SGSM1: variants seen among roughly 807,000 people sequenced by gnomAD.
SGSM1 encodes small G protein signaling modulator 1, also known as RUN and TBC1 domain containing 2.
A neutral mutation model predicts 133.8 loss-of-function variants in SGSM1; 73 were observed. The ratio of observed to expected loss-of-function variants is 0.55; its 90% CI spans 0.45 to 0.66. The LOEUF (loss-of-function observed/expected upper bound fraction) is 0.66, where lower values mean the gene tolerates loss of function less well. SGSM1 is among the 30% of genes least tolerant of loss of function. The pLI, the probability that SGSM1 is intolerant of heterozygous loss-of-function variation, is 0.00. For synonymous variants in SGSM1, 563 were observed against 573.0 expected (o/e 0.98, Z 0.25); for missense variants, 1,213 against 1,448.1 (o/e 0.84, Z 2.64).
intron 2 of SGSM1, among the ~76,000 whole-genome samples, chr22:24,836,349 G>A (rs990384041): frequency 2.0e-5 from 3 of 152,144 alleles, no homozygotes; most frequent in African/African-American, 4.8e-5. Context: ...TATCCATTCA[G>A]CCATCGAAGG....
At chr22:24,900,641 C>T (rs985205012) in intron 19 of SGSM1, among the ~76,000 whole-genome samples, 4 of 152,170 alleles carry the variant, frequency 2.6e-5, no homozygotes, top group Non-Finnish European at 4.4e-5. Flanking sequence ...AAGTGATCCG[C>T]CCGCCTCGGC....
chr22:24,844,025 A>G (rs1929949337), intron 2 of SGSM1: 1 of 152,164 alleles, frequency 6.6e-6, no homozygotes, highest in Non-Finnish European at 1.5e-5. Context: ...TTTACCCTGC[A>G]CTTTCTTGAT....
At chr22:24,884,240 G>T (rs1039600687) in intron 15 of SGSM1, 42 bp downstream of exon 15, 1 of 1,575,254 alleles carries the variant, frequency 6.3e-7, no homozygotes, top group Non-Finnish European at 8.7e-7. Flanking sequence ...TGCAGAGGCT[G>T]CAGGGGGGTC....
chr22:24,917,705 T>C lies in SGSM1; in HGVS notation c.2976T>C (p.Tyr992=). Residue 992 remains tyrosine, a synonymous_variant, in exon 23 of 25, where the codon TAT becomes TAC. Coordinates refer to ENST00000400358, the MANE Select transcript of SGSM1 (RefSeq NM_001098497.3). ...AGCTGATGCATCAGAACGGGGACTA[T>C]ACTCACTTCTACTTCTGCTACCGCT... ...LFELMHQNGD[Y]THFYFCYRWF... 2.5e-6 allele frequency: 4 copies of C among 1,614,050 alleles called. No homozygotes were observed. Among genetic ancestry groups the C allele is most frequent in the Non-Finnish European group, 3.4e-6 (4 of 1,179,964 alleles).
At chr22:24,883,246 G>A (rs1033714275) in intron 14 of SGSM1, among the ~76,000 whole-genome samples, 9 of 152,112 alleles carry the variant, frequency 5.9e-5, no homozygotes, top group Non-Finnish European at 1.2e-4. Context: ...GGACATTTAG[G>A]TTGATTTTGT....
At chr22:24,895,744 C>T (rs895402850) in intron 18 of SGSM1, among the ~76,000 whole-genome samples, 2 of 152,108 alleles carry the variant, frequency 1.3e-5, no homozygotes, top group African/African-American at 2.4e-5. Context: ...AATCTCACTC[C>T]GTTTTTAAAG....
intron 2 of SGSM1, among the ~76,000 whole-genome samples, chr22:24,820,756 G>A (rs182574066): frequency 2.0e-5 from 3 of 152,194 alleles, no homozygotes; most frequent in Admixed American, 1.3e-4. Flanking sequence ...TTTGCTGAGC[G>A]CCTACTGTGT....
rs771938357 is a variant in SGSM1, at chr22:24,917,696, C to T, written c.2967C>T (p.Asn989=). ...DSELFELMHQ[N]GDYTHFYFCY... Reference sequence around the variant, plus strand: ...AGCTGTTTGAGCTGATGCATCAGAACGGGGACTATACTCACTTCTACTTCT... The same window carrying T: ...AGCTGTTTGAGCTGATGCATCAGAATGGGGACTATACTCACTTCTACTTCT... Residue 989 remains asparagine (N), a synonymous_variant, in exon 23 of 25, where the codon AAC becomes AAT. Coordinates refer to ENST00000400358, the MANE Select transcript of SGSM1 (RefSeq NM_001098497.3). The T allele has an allele frequency of 1.1e-5, 17 of 1,613,870 alleles. No individual in the cohort carries two copies. The highest frequency in any genetic ancestry group is 1.6e-4 in the Middle Eastern group (1 of 6,082).
At position 24,893,496 on chromosome 22, in the gene SGSM1, C is replaced by G; in HGVS notation, c.1836C>G (p.Ile612Met). ...TMAEWLGCEA[I>M]VRQRERESHA... is the part of the protein sequence containing the mutation. ...CTGAGTGGCTGGGCTGCGAGGCGAT[C>G]GTGCGGCAGAGGGAGCGGGAGTCCC... Residue 612 changes from isoleucine to methionine, a missense_variant, in exon 17 of 25, where the codon ATC (isoleucine) becomes ATG (methionine). By Grantham distance (10) the Ile-to-Met change is conservative (BLOSUM62 1). Transcript: ENST00000400358. 1.9e-6 allele frequency: 3 copies of G among 1,613,684 alleles called. No homozygotes were observed. Among genetic ancestry groups the G allele is most frequent in the Non-Finnish European group, 2.5e-6 (3 of 1,179,762 alleles).
chr22:24,912,977 A>G (rs1933688366), intron 22 of SGSM1, among the ~76,000 whole-genome samples: 1 of 152,144 alleles, frequency 6.6e-6, no homozygotes, highest in African/African-American at 2.4e-5. Context: ...TAGAATTATC[A>G]TGGAAATGAA....
intron 21 of SGSM1, among the ~76,000 whole-genome samples, chr22:24,906,320 T>C (rs1173074924): frequency 6.6e-6 from 1 of 152,198 alleles, no homozygotes; most frequent in African/African-American, 2.4e-5. Context: ...GGTGAAAAAC[T>C]GAACACTTCC....
At chr22:24,889,558 C>T (rs764075200) in intron 16 of SGSM1, among the ~76,000 whole-genome samples, 18 of 151,432 alleles carry the variant, frequency 1.2e-4, no homozygotes, top group Admixed American at 3.9e-4. Flanking sequence ...TATAGGCATG[C>T]GCCACCACAC....
intron 20 of SGSM1, 26 bp from the exon 21 acceptor site, chr22:24,905,079 T>G: frequency 6.2e-7 from 1 of 1,609,740 alleles, no homozygotes; most frequent in Non-Finnish European, 8.5e-7. Flanking sequence ...ACGGCTGCCA[T>G]CATTGGCCCC....
intron 23 of SGSM1, 97 bp downstream of exon 23, chr22:24,917,851 A>G: frequency 1.1e-6 from 1 of 883,234 alleles, no homozygotes; most frequent in East Asian, 2.6e-5. Context: ...GGTTGGCAAC[A>G]GAGGCAGCAG....
chr22:24,898,001 G>T lies in SGSM1; in HGVS notation c.2052G>T (p.Gln684His). ...QVFESVDEVE[Q>H]VEAEGRLEEK... The stretch of plus-strand genomic sequence containing the variant: ...TTGAGTCTGTGGATGAGGTGGAGCA[G>T]GTGGAGGCTGAAGGCAGATTGGAGG... The change falls in exon 19 of 25, where the codon CAG becomes CAT. Residue 684 changes from glutamine (Q) to histidine (H), a missense_variant. Transcript: ENST00000400358. 1 of 1,608,368 alleles carries T rather than the reference G, an allele frequency of 6.2e-7. No individual in the cohort carries two copies. Among genetic ancestry groups the T allele is most frequent in the South Asian group, 1.1e-5 (1 of 89,962 alleles).
chr22:24,912,694 A>G lies in SGSM1; in HGVS notation c.2870A>G (p.Asn957Ser), dbSNP rs545255105. The G allele has an allele frequency of 6.2e-7, 1 of 1,613,774 alleles. No homozygotes were observed. Among genetic ancestry groups the G allele is most frequent in the South Asian group, 1.1e-5 (1 of 90,950 alleles). Reference protein sequence around the residue: ...FTELMKRMNQNFPHGGAMDTH... With the variant: ...FTELMKRMNQSFPHGGAMDTH... ...GAGCTCATGAAGAGGATGAACCAGA[A>G]CTTCCCCCACGGAGGCGCCATGGAC... Residue 957 changes from asparagine to serine, a missense_variant, in exon 22 of 25, where the codon AAC (asparagine) becomes AGC (serine). Asn to Ser is a conservative substitution (Grantham distance 46, BLOSUM62 1). Coordinates refer to ENST00000400358, the MANE Select transcript of SGSM1 (RefSeq NM_001098497.3).
At chr22:24,840,453 C>T (rs1191996882) in intron 2 of SGSM1, among the ~76,000 whole-genome samples, 3 of 152,200 alleles carry the variant, frequency 2.0e-5, no homozygotes, top group African/African-American at 4.8e-5. Flanking sequence ...AAGCAATTCT[C>T]CCACCTCAGT....
At chr22:24,827,564 A>G (rs961816303) in intron 2 of SGSM1, among the ~76,000 whole-genome samples, 1 of 152,022 alleles carries the variant, frequency 6.6e-6, no homozygotes, top group African/African-American at 2.4e-5. Flanking sequence ...ACTGAGCTGA[A>G]GGACGCCTCA....
At chr22:24,864,073 C>G (rs1331874101) in intron 9 of SGSM1, among the ~76,000 whole-genome samples, 8 of 152,138 alleles carry the variant, frequency 5.3e-5, no homozygotes, top group Non-Finnish European at 1.0e-4. Flanking sequence ...GCCAGCCTCA[C>G]TCTTGCACAG....
Sources: gnomAD v4.1 joint callset for allele counts (sites outside exome capture counted in the v4.1 genomes callset) on GRCh38, gnomAD v4.1.1 for gene constraint, MANE v1.5 for transcripts, NCBI Gene and HGNC (gene_info 2026-07-23, HGNC 2026-07-21) for gene names.